Variants in AUTS2 observed in about 807,000 individuals in gnomAD.
The protein encoded by AUTS2 is activator of transcription and developmental regulator AUTS2.
AUTS2 carries 17 observed loss-of-function variants against 112.4 expected under a neutral mutation model. The observed-to-expected ratio is 0.15, with a 90% CI of 0.10 to 0.23. AUTS2 has a LOEUF of 0.23. Ranked by LOEUF, AUTS2 falls within the 10% of genes least tolerant of loss-of-function variation. The pLI is 1.00. For missense variants in AUTS2, 1,510 were observed against 1,701.6 expected (o/e 0.89, Z 1.98); for synonymous variants, 751 against 702.7 (o/e 1.07, Z -1.09).
At chr7:70,656,677 G>A (rs1449701121) in intron 5 of AUTS2, among the ~76,000 whole-genome samples, 3 of 152,212 alleles carry the variant, frequency 2.0e-5, no homozygotes, top group African/African-American at 7.2e-5. Flanking sequence ...TGGAGCCTGG[G>A]CCTTCACAGC....
chr7:70,554,008 GATCC>G (rs1368749344), intron 5 of AUTS2, among the ~76,000 whole-genome samples: 14 of 148,858 alleles, frequency 9.4e-5, no homozygotes, highest in Non-Finnish European at 1.3e-4. Flanking sequence ...CTGACCTCAT[GATCC>G]ACCCACCTCG....
intron 2 of AUTS2, among the ~76,000 whole-genome samples, chr7:69,980,509 T>C (rs1453315068): frequency 6.6e-6 from 1 of 152,164 alleles, no homozygotes; most frequent in Non-Finnish European, 1.5e-5. Context: ...TGTACATACT[T>C]GTTATTTGGT....
At chr7:69,758,306 A>G (rs527337500) in intron 1 of AUTS2, among the ~76,000 whole-genome samples, 2 of 152,308 alleles carry the variant, frequency 1.3e-5, no homozygotes, top group East Asian at 1.9e-4. Context: ...GCTGTTCACA[A>G]TAGATTTAGA....
At chr7:69,876,235 C>T (rs748662564) in intron 1 of AUTS2, among the ~76,000 whole-genome samples, 19 of 139,850 alleles carry the variant, frequency 1.4e-4, no homozygotes, top group Non-Finnish European at 2.6e-4. Flanking sequence ...GGTGTGGTGG[C>T]GTGCGCCTGT....
At chr7:70,400,997 A>G (rs1794303677) in intron 4 of AUTS2, among the ~76,000 whole-genome samples, 1 of 152,118 alleles carries the variant, frequency 6.6e-6, no homozygotes, top group Non-Finnish European at 1.5e-5. Flanking sequence ...GCTTGCAACA[A>G]CAATCCCGGC....
chr7:70,330,558 A>G (rs911777808), intron 4 of AUTS2, among the ~76,000 whole-genome samples: 2 of 152,198 alleles, frequency 1.3e-5, no homozygotes, highest in African/African-American at 2.4e-5. Flanking sequence ...ATCAGGAAGT[A>G]TAAGTCTTCC....
intron 1 of AUTS2, among the ~76,000 whole-genome samples, chr7:69,690,658 G>A (rs961686174): frequency 1.3e-5 from 2 of 152,158 alleles, no homozygotes; most frequent in Non-Finnish European, 2.9e-5. Context: ...TGGAAGCTTG[G>A]AGACTCCAGG....
At chr7:70,296,081 C>A (rs1430910128) in intron 4 of AUTS2, among the ~76,000 whole-genome samples, 1 of 152,176 alleles carries the variant, frequency 6.6e-6, no homozygotes, top group Non-Finnish European at 1.5e-5. Context: ...CTGAGCCTTG[C>A]AGCTGACCTG....
At chr7:69,758,844 T>G (rs979856079) in intron 1 of AUTS2, among the ~76,000 whole-genome samples, 1 of 152,158 alleles carries the variant, frequency 6.6e-6, no homozygotes, top group South Asian at 2.1e-4. Context: ...GAGATGATCA[T>G]CAGCAGCTTT....
intron 6 of AUTS2, among the ~76,000 whole-genome samples, chr7:70,752,417 T>C (rs1256176750): frequency 6.6e-6 from 1 of 152,208 alleles, no homozygotes; most frequent in African/African-American, 2.4e-5. Flanking sequence ...TCAGCTGATA[T>C]TGGCCTAAGA....
Position 70,790,953 on chromosome 7 carries a change from A to T in AUTS2, c.3737A>T (p.Glu1246Val). The part of the protein sequence containing the change: ...RTTPLSAEIR[E>V]RPPSHTLKDI... ...ACTCCTCTGTCCGCAGAGATAAGGG[A>T]GAGGCCCCCTTCCCACACGCTGAAG... The change falls in exon 19 of 19, where the codon GAG becomes GTG. Residue 1246 changes from glutamate (E) to valine (V), a missense_variant. Physicochemically the swap from Glu to Val is moderately radical, Grantham distance 121. Around this residue, in one of 3 missense-constraint regions of AUTS2, gnomAD observed 788 missense variants for 797.6 expected, o/e 0.99. Coordinates refer to ENST00000342771, the MANE Select transcript of AUTS2 (RefSeq NM_015570.4). This position sits in a 1 kb window ranked among gnomAD's most constrained non-coding sequence, Gnocchi z 7.6. The T allele has an allele frequency of 6.6e-7, 1 of 1,513,220 alleles. No individual in the cohort carries two copies. Among genetic ancestry groups the T allele is most frequent in the Non-Finnish European group, 8.8e-7 (1 of 1,130,738 alleles). The allele number at this position is 1,513,220 out of a possible 1,614,324, so 93.7% of individuals were successfully genotyped here. A position where few individuals can be genotyped will look rare whatever the true frequency, so the allele number is the denominator to read the frequency against.
At chr7:70,511,257 C>A in intron 5 of AUTS2, among the ~76,000 whole-genome samples, 1 of 152,072 alleles carries the variant, frequency 6.6e-6, no homozygotes, top group Admixed American at 6.5e-5. Context: ...CACAGCAGAG[C>A]AAAGGAAGAA....
chr7:70,009,136 C>A (rs926326987), intron 2 of AUTS2, among the ~76,000 whole-genome samples: 1 of 152,092 alleles, frequency 6.6e-6, no homozygotes, highest in Non-Finnish European at 1.5e-5. Context: ...TTTGCTGCTT[C>A]ATTCCATGGG....
intron 5 of AUTS2, among the ~76,000 whole-genome samples, chr7:70,464,336 A>G (rs757328941): frequency 2.0e-5 from 3 of 152,240 alleles, no homozygotes; most frequent in Non-Finnish European, 2.9e-5. Context: ...TGCATCCCCA[A>G]GTCACTCAGA....
At chr7:69,899,180 T>G (rs1333192056) in intron 1 of AUTS2, 106 bp from the exon 2 acceptor site, 1 of 803,930 alleles carries the variant, frequency 1.2e-6, no homozygotes, top group African/African-American at 1.7e-5. Flanking sequence ...TTCCTATCCC[T>G]CTCCCACTTA....
intron 2 of AUTS2, among the ~76,000 whole-genome samples, chr7:70,002,308 G>A (rs956271765): frequency 6.6e-6 from 1 of 152,088 alleles, no homozygotes; most frequent in Non-Finnish European, 1.5e-5. Flanking sequence ...AGGCGGGGTG[G>A]CATTATGATT....
At chr7:70,728,685 G>A (rs1787176016) in intron 6 of AUTS2, among the ~76,000 whole-genome samples, 2 of 139,632 alleles carry the variant, frequency 1.4e-5, no homozygotes, top group Admixed American at 7.6e-5. Flanking sequence ...TCCAGCCTGG[G>A]AGACAGAGCG....
chr7:69,599,572 G>A lies in AUTS2; in HGVS notation c.-82G>A. ...GAGGGAAGCCGTGAAGGGGGAGGGA[G>A]GGCTCGGTGTCAATTTTTTTTTGTG... is the stretch of plus-strand genomic sequence containing the variant. On this transcript the variant is annotated 5_prime_UTR_variant, in exon 1 of 19. Coordinates refer to ENST00000342771, the MANE Select transcript of AUTS2 (RefSeq NM_015570.4). The surrounding 1 kb of genome is among the most constrained non-coding windows in gnomAD (Gnocchi z 7.0). 5.0e-6 allele frequency: 6 copies of A among 1,208,032 alleles called. No homozygotes were observed. Among genetic ancestry groups the A allele is most frequent in the Non-Finnish European group, 6.2e-6 (6 of 967,204 alleles). The allele number at this position is 1,208,032 out of a possible 1,614,324, so 74.8% of individuals were successfully genotyped here.
intron 4 of AUTS2, among the ~76,000 whole-genome samples, chr7:70,397,971 A>G (rs1276012571): frequency 1.3e-5 from 2 of 152,166 alleles, no homozygotes; most frequent in African/African-American, 4.8e-5. Context: ...TCAATTTTGT[A>G]TATGGTATGA....
Sources: allele counts gnomAD v4.1 joint callset (sites outside exome capture counted in the v4.1 genomes callset), GRCh38; gene constraint gnomAD v4.1.1; regional missense constraint gnomAD v4.1.1; non-coding constraint Gnocchi (gnomAD v3.1); transcripts MANE v1.5; gene names NCBI Gene and HGNC (gene_info 2026-07-23, HGNC 2026-07-21).